MSANTD4: variants seen among roughly 807,000 people sequenced by gnomAD.
The protein encoded by MSANTD4 is Myb/SANT DNA binding domain containing 4 with coiled-coils, also known as myb/SANT-like DNA-binding domain-containing protein 4.
In MSANTD4, 13 loss-of-function variants were observed where a neutral mutation model predicts 34.3. That is an observed-to-expected ratio of 0.38 (90% CI 0.25 to 0.60). MSANTD4 has a LOEUF of 0.60. Among genes scored for constraint, MSANTD4 ranks in the 20% least tolerant of loss-of-function variants. The pLI, the probability that MSANTD4 is intolerant of heterozygous loss-of-function variation, is 0.63. For synonymous variants in MSANTD4, 137 were observed against 145.2 expected (o/e 0.94, Z 0.41); for missense variants, 358 against 401.8 (o/e 0.89, Z 0.93).
intron 1 of MSANTD4, among the ~76,000 whole-genome samples, chr11:106,011,631 T>TC (rs11384095): frequency 0.77 from 117,634 of 151,940 alleles, 45,823 homozygotes; most frequent in African/African-American, 0.86. Flanking sequence ...TCAGAGTCTG[T>TC]CCTTTCCCCA....
At chr11:106,019,192 T>C (rs1469097059) in intron 1 of MSANTD4, among the ~76,000 whole-genome samples, 1 of 152,186 alleles carries the variant, frequency 6.6e-6, no homozygotes, top group Non-Finnish European at 1.5e-5. Flanking sequence ...ATCAAACATG[T>C]ACTCACATGT....
chr11:106,009,122 A>C lies in MSANTD4; in HGVS notation c.*413T>G, dbSNP rs1172830843. 1 of 159,206 alleles carries C rather than the reference A, an allele frequency of 6.3e-6. No individual in the cohort carries two copies. The highest frequency in any genetic ancestry group is 1.9e-4 in the East Asian group (1 of 5,388). The allele number at this position is 159,206 out of a possible 1,614,324, so 9.9% of individuals were successfully genotyped here. On this transcript the variant is annotated 3_prime_UTR_variant, in exon 3 of 3. Coordinates refer to ENST00000301919, the MANE Select transcript of MSANTD4 (RefSeq NM_032424.3). ...TACTGAGTGTGGGGGGGTGTTGAGG[A>C]GGTATGCATTGCACAGTAGCAACCT... is the stretch of plus-strand genomic sequence containing the variant.
chr11:106,012,015 A>G (rs1859708757), intron 1 of MSANTD4, among the ~76,000 whole-genome samples: 1 of 152,150 alleles, frequency 6.6e-6, no homozygotes, highest in Admixed American at 6.5e-5. Flanking sequence ...TGAAACAATG[A>G]AAGTATTGTA....
At position 106,009,617 on chromosome 11, in the gene MSANTD4, G is replaced by C. The variant is rs1344076374; in HGVS notation, c.956C>G (p.Ser319Cys). ...KDRLQFLKFESEKLQIEKERL... is the reference protein window; with the variant it reads ...KDRLQFLKFECEKLQIEKERL... The stretch of plus-strand genomic sequence containing the variant: ...TTCCTTTTCAATCTGCAGCTTCTCA[G>C]ATTCAAACTTCAAAAACTGCAGCCT... The change falls in exon 3 of 3, where the codon TCT (serine) becomes TGT (cysteine). Residue 319 changes from serine to cysteine, a missense_variant. Physicochemically the swap from Ser to Cys is moderately radical, Grantham distance 112 (BLOSUM62 -1). Coordinates refer to ENST00000301919, the MANE Select transcript of MSANTD4 (RefSeq NM_032424.3). 1 of 1,614,162 alleles carries C rather than the reference G, an allele frequency of 6.2e-7. No homozygotes were observed. The highest frequency in any genetic ancestry group is 1.1e-5 in the South Asian group (1 of 91,072).
At chr11:106,016,525 C>G (rs1255864698) in intron 1 of MSANTD4, among the ~76,000 whole-genome samples, 1 of 151,850 alleles carries the variant, frequency 6.6e-6, no homozygotes, top group African/African-American at 2.4e-5. Flanking sequence ...CTGTGCCTAA[C>G]AAATAGGAGG....
At chr11:106,013,026 C>T (rs1040051956) in intron 1 of MSANTD4, among the ~76,000 whole-genome samples, 1 of 152,158 alleles carries the variant, frequency 6.6e-6, no homozygotes, top group African/African-American at 2.4e-5. Context: ...AAAAAGGTCC[C>T]AGTGTCTCAC....
chr11:106,016,791 G>T (rs1859863665), intron 1 of MSANTD4, among the ~76,000 whole-genome samples: 1 of 152,078 alleles, frequency 6.6e-6, no homozygotes, highest in Non-Finnish European at 1.5e-5. Flanking sequence ...AAATTCTGAA[G>T]AAAAATCTTC....
In MSANTD4 at chr11:106,008,175, T is replaced by C. The variant is rs1025179937; in HGVS notation, c.*1360A>G. 3.3e-5 allele frequency: 5 copies of C among 152,622 alleles called. No homozygotes were observed. The highest frequency in any genetic ancestry group is 1.2e-4 in the African/African-American group (5 of 41,440). 9.5% of individuals were successfully genotyped at this position (152,622 alleles called of 1,614,324 possible). On this transcript the variant is annotated 3_prime_UTR_variant, in exon 3 of 3. Transcript: ENST00000301919. ...GATCTAGTGCAGTGATTCTCAACTT[T>C]AGTGTGTATCAGAATCACTTGGATT...
At chr11:106,013,879 A>AC (rs1859769390) in intron 1 of MSANTD4, among the ~76,000 whole-genome samples, 1 of 152,204 alleles carries the variant, frequency 6.6e-6, no homozygotes, top group African/African-American at 2.4e-5. Context: ...AACAACAACA[A>AC]AAAAGTGTTG....
Position 106,010,011 on chromosome 11 carries a change from T to TA in MSANTD4, c.561dup (p.Thr188TyrfsTer3). The TA allele has an allele frequency of 6.2e-7, 1 of 1,606,008 alleles. No homozygotes were observed. Among genetic ancestry groups the TA allele is most frequent in the Non-Finnish European group, 8.5e-7 (1 of 1,179,856 alleles). On this transcript the variant is annotated frameshift_variant, in exon 3 of 3. Coordinates refer to ENST00000301919, the MANE Select transcript of MSANTD4 (RefSeq NM_032424.3). LOFTEE classifies it high-confidence loss of function. ...GATCTAGATGGTGTTGAGTTAAGGG[T>TA]AAAAAACTCATCAATGTGGGGGAAA...
chr11:106,016,326 A>G (rs1859847564), intron 1 of MSANTD4, among the ~76,000 whole-genome samples: 1 of 152,222 alleles, frequency 6.6e-6, no homozygotes, highest in Admixed American at 6.5e-5. Context: ...TAAAAAACTG[A>G]AGCAAAGTGA....
chr11:106,010,331 A>G, intron 2 of MSANTD4, 125 bp downstream of exon 2: 1 of 1,418,374 alleles, frequency 7.1e-7, no homozygotes, highest in Non-Finnish European at 9.3e-7. Flanking sequence ...GAAAAGCAGA[A>G]TGACTTGTTA....
chr11:106,014,225 G>T (rs1331598098), intron 1 of MSANTD4, among the ~76,000 whole-genome samples: 1 of 152,164 alleles, frequency 6.6e-6, no homozygotes, highest in Non-Finnish European at 1.5e-5. Flanking sequence ...TAACCTTCCA[G>T]CAGGATAGGT....
intron 1 of MSANTD4, among the ~76,000 whole-genome samples, 157 bp from the exon 2 acceptor site, chr11:106,011,224 C>A (rs555919830): frequency 7.9e-5 from 12 of 152,262 alleles, no homozygotes; most frequent in African/African-American, 2.9e-4. Context: ...CTAACATAGT[C>A]CAAATTGCCG....
intron 1 of MSANTD4, among the ~76,000 whole-genome samples, chr11:106,016,003 G>T (rs1018512193): frequency 6.6e-6 from 1 of 152,028 alleles, no homozygotes; most frequent in East Asian, 1.9e-4. Context: ...AGCAAGGCAG[G>T]TGCACCACCA....
intron 1 of MSANTD4, among the ~76,000 whole-genome samples, chr11:106,012,764 T>C (rs1180315023): frequency 6.6e-6 from 1 of 152,204 alleles, no homozygotes; most frequent in Non-Finnish European, 1.5e-5. Flanking sequence ...ACGTCTGTGC[T>C]AGACCCACAC....
At chr11:106,016,437 CT>C (rs1382282573) in intron 1 of MSANTD4, among the ~76,000 whole-genome samples, 1 of 152,182 alleles carries the variant, frequency 6.6e-6, no homozygotes, top group Non-Finnish European at 1.5e-5. Context: ...CTTTTTCCTT[CT>C]ACAATCTGCC....
chr11:106,010,412 C>A, intron 2 of MSANTD4, 44 bp downstream of exon 2: 1 of 1,538,202 alleles, frequency 6.5e-7, no homozygotes, highest in Non-Finnish European at 8.7e-7. Flanking sequence ...TCTCCCACAT[C>A]AGAATTGAAA....
rs1471509527 is a variant in MSANTD4, at chr11:106,021,941, G to C, written c.-1130C>G. 1 of 152,260 alleles carries C rather than the reference G, an allele frequency of 6.6e-6. No homozygotes were observed. The allele number at this position is 152,260 out of a possible 1,614,324, so 9.4% of individuals were successfully genotyped here. ...TGGGTATTAAATGAGAGTCCCGACT[G>C]AGTGCCCAGAAACTTCTGCAGTCTT... On this transcript the variant is annotated 5_prime_UTR_variant, in exon 1 of 3. Transcript: ENST00000301919.
Sources: gnomAD v4.1 joint callset for allele counts (sites outside exome capture counted in the v4.1 genomes callset) on GRCh38, gnomAD v4.1.1 for gene constraint, MANE v1.5 for transcripts, NCBI Gene and HGNC (gene_info 2026-07-23, HGNC 2026-07-21) for gene names.